Variants in ABCA5 observed in about 807,000 individuals in gnomAD.
The protein encoded by ABCA5 is ATP binding cassette subfamily A member 5, also known as cholesterol transporter ABCA5.
In ABCA5, 163 loss-of-function variants were observed where a neutral mutation model predicts 206.0. The observed-to-expected ratio is 0.79, with a 90% confidence interval of 0.70 to 0.90. ABCA5 has a LOEUF of 0.90. Among genes scored for constraint, ABCA5 ranks in the 40% least tolerant of loss-of-function variants. The probability of loss-of-function intolerance (pLI) is 0.00; values close to 1 mark genes in which losing one functional copy is unlikely to be tolerated. For missense variants in ABCA5, 1,859 were observed against 1,912.9 expected, an observed-to-expected ratio of 0.97 and a Z score of 0.53; for synonymous variants, 609 against 613.8, an observed-to-expected ratio of 0.99 and a Z score of 0.11.
chr17:69,260,393 CG>C lies in ABCA5; in HGVS notation c.3583del (p.Arg1195GlufsTer15). 1 of 1,605,766 alleles carries C rather than the reference CG, an allele frequency of 6.2e-7. No individual in the cohort carries two copies. Among genetic ancestry groups the C allele is most frequent in the Middle Eastern group, 1.7e-4 (1 of 6,032 alleles). ...TGGATTATAGGTGTCCACATTTTTT[CG>C]TACATTCTTCCAAGAAATCTAAGAC... is the stretch of plus-strand genomic sequence containing the variant. ...SFIKISWKNVRKNVDTYNPWD... is the reference protein window; with the variant it reads ...SFIKISWKNVXKNVDTYNPWD... On this transcript the variant is annotated frameshift_variant, in exon 27 of 39. Coordinates refer to ENST00000392676, the MANE Select transcript of ABCA5 (RefSeq NM_172232.4). LOFTEE classifies it high-confidence loss of function.
chr17:69,244,626 T>C lies in ABCA5; in HGVS notation c.*2911A>G, dbSNP rs550196910. 49 of 151,778 alleles carry C rather than the reference T, an allele frequency of 3.2e-4. No individual in the cohort carries two copies. Among genetic ancestry groups the C allele is most frequent in the Non-Finnish European group, 5.5e-4 (37 of 67,814 alleles). The allele number at this position is 151,778 out of a possible 1,614,324, so 9.4% of individuals were successfully genotyped here. On this transcript the variant is annotated 3_prime_UTR_variant, in exon 39 of 39. Coordinates refer to ENST00000392676, the MANE Select transcript of ABCA5 (RefSeq NM_172232.4). ...CAGGAAAGAAAATAAAAAATCAATG[T>C]TAGCAAATTAAAAATACATTAAGGA...
rs144095768 is a variant in ABCA5, at chr17:69,253,656, A to C, written c.4332T>G (p.Ala1444=). 56 of 1,613,452 alleles carry C rather than the reference A, an allele frequency of 3.5e-5. No individual in the cohort carries two copies. In the African/African-American group the frequency reaches 6.0e-4, roughly 17 times the overall value. Residue 1444 remains alanine, a synonymous_variant, in exon 34 of 39, where the codon GCT becomes GCG. Coordinates refer to ENST00000392676, the MANE Select transcript of ABCA5 (RefSeq NM_172232.4). ...PAGIKRKLCF[A]LSMLGNPQIT... is the part of the protein sequence containing the mutation. ...TCTGAGGATTCCCTAGCATACTTAG[A>C]GCAAAACACAACTACATGGAAAGAA...
chr17:69,289,292 T>C lies in ABCA5; in HGVS notation c.1787A>G (p.Gln596Arg), dbSNP rs752026222. The stretch of plus-strand genomic sequence containing the variant: ...CATGTCTAAATCTAGTAAAACCTTC[T>C]GCACCTGTAAAAGTAAAGCATGAAC... ...IPANNIIQEV[Q>R]KVLLDLDMQT... The change falls in exon 14 of 39, where the codon CAG becomes CGG. Residue 596 changes from glutamine to arginine, a missense_variant. Coordinates refer to ENST00000392676, the MANE Select transcript of ABCA5 (RefSeq NM_172232.4). The C allele has an allele frequency of 1.7e-5, 26 of 1,569,114 alleles. No individual in the cohort carries two copies. Among genetic ancestry groups the C allele is most frequent in the Non-Finnish European group, 1.9e-5 (22 of 1,162,590 alleles).
rs1275290712 is a variant in ABCA5, at chr17:69,294,599, T to A, written c.1495+56A>T. 5 of 1,388,542 alleles carry A rather than the reference T, an allele frequency of 3.6e-6. No individual in the cohort carries two copies. The Admixed American group carries it at 1.0e-4, about 28-fold the overall frequency. 86.0% of individuals were successfully genotyped at this position (1,388,542 alleles called of 1,614,324 possible). A position where few individuals can be genotyped will look rare whatever the true frequency, so the allele number is the denominator to read the frequency against. The stretch of plus-strand genomic sequence containing the variant: ...TAAATTTCCCACAAGCTATGCAAAT[T>A]ATTTTTCTAGTTGTACTTTAAATAC... On this transcript the variant is annotated intron_variant, in intron 11 of 38. Coordinates refer to ENST00000392676, the MANE Select transcript of ABCA5 (RefSeq NM_172232.4).
At chr17:69,302,467 A>C (rs933873370) in intron 8 of ABCA5, among the ~76,000 whole-genome samples, 5 of 152,226 alleles carry the variant, frequency 3.3e-5, no homozygotes, top group Middle Eastern at 3.2e-3. Flanking sequence ...TTCTGCAGTG[A>C]AATAAATCAC....
chr17:69,254,178 AAAG>A (rs1307327771), intron 32 of ABCA5, 134 bp downstream of exon 32: 15 of 716,922 alleles, frequency 2.1e-5, no homozygotes, highest in East Asian at 1.7e-4. Flanking sequence ...CATATATCAT[AAAG>A]AATATATGAA....
rs2075133306 is a variant in ABCA5, at chr17:69,260,357, A to G, written c.3620T>C (p.Leu1207Pro). The G allele has an allele frequency of 6.2e-7, 1 of 1,606,914 alleles. No individual in the cohort carries two copies. Among genetic ancestry groups the G allele is most frequent in the African/African-American group, 1.3e-5 (1 of 74,564 alleles). Residue 1207 changes from leucine (L) to proline (P), a missense_variant, in exon 27 of 39, where the codon CTT becomes CCT. Physicochemically the swap from Leu to Pro is moderately conservative, Grantham distance 98. Coordinates refer to ENST00000392676, the MANE Select transcript of ABCA5 (RefSeq NM_172232.4). ...NVDTYNPWDRLSVAVISPYLQ... is the reference protein window; with the variant it reads ...NVDTYNPWDRPSVAVISPYLQ... ...TCTTACCGATATAACAGCTACTGAAAGCCTATCCCATGGATTATAGGTGTC... is the reference window on the plus strand; with the variant it reads ...TCTTACCGATATAACAGCTACTGAAGGCCTATCCCATGGATTATAGGTGTC...
At position 69,244,487 on chromosome 17, in the gene ABCA5, T is replaced by A. The variant is rs968854255; in HGVS notation, c.*3050A>T. 6.6e-6 allele frequency: 1 copy of A among 151,804 alleles called. No individual in the cohort carries two copies. Among genetic ancestry groups the A allele is most frequent in the Non-Finnish European group, 1.5e-5 (1 of 67,850 alleles). The allele number at this position is 151,804 out of a possible 1,614,324, so 9.4% of individuals were successfully genotyped here. ...TTTTCTTAAAGAGCAGCATTGAGAA[T>A]TGCTTACATATATTATAAATAAAAA... On this transcript the variant is annotated 3_prime_UTR_variant, in exon 39 of 39. Transcript: ENST00000392676.
At chr17:69,305,398 C>T (rs925350133) in intron 6 of ABCA5, among the ~76,000 whole-genome samples, 7 of 152,102 alleles carry the variant, frequency 4.6e-5, no homozygotes, top group South Asian at 4.1e-4. Flanking sequence ...TCCAAGTTAG[C>T]TCAGGATTTA....
chr17:69,286,260 A>C lies in ABCA5; in HGVS notation c.2093T>G (p.Met698Arg). Reference sequence around the variant, plus strand: ...GATCCCCCATTTACTTTTGAGGAACATTGAAGAACCAACACATTTCAGCAT... The same window carrying C: ...GATCCCCCATTTACTTTTGAGGAACCTTGAAGAACCAACACATTTCAGCAT... ...QGMLKCVGSSMFLKSKWGIGY... is the reference protein window; with the variant it reads ...QGMLKCVGSSRFLKSKWGIGY... Residue 698 changes from methionine to arginine, a missense_variant, in exon 16 of 39, where the codon ATG becomes AGG. Coordinates refer to ENST00000392676, the MANE Select transcript of ABCA5 (RefSeq NM_172232.4). The C allele has an allele frequency of 6.3e-7, 1 of 1,592,782 alleles. No homozygotes were observed. Among genetic ancestry groups the C allele is most frequent in the Non-Finnish European group, 8.5e-7 (1 of 1,175,018 alleles).
At chr17:69,296,276 T>TTACAATGAA (rs1377505791) in intron 10 of ABCA5, among the ~76,000 whole-genome samples, 1 of 152,196 alleles carries the variant, frequency 6.6e-6, no homozygotes, top group Non-Finnish European at 1.5e-5. Context: ...GGCCAATGAA[T>TTACAATGAA]TACATCTTAA....
At chr17:69,247,706 A>G in intron 38 of ABCA5, 62 bp from the exon 39 acceptor site, 1 of 915,222 alleles carries the variant, frequency 1.1e-6, no homozygotes. Context: ...AAGAACTTTT[A>G]ACTAAATCAG....
rs940237818 is a variant in ABCA5, at chr17:69,326,654, T to C, written c.-16+398A>G. ...TTCAGACGGAAATTTACATCAATAT[T>C]TGTTTTCCTTCTTTCCCTGAGGTTG... On this transcript the variant is annotated intron_variant, in intron 1 of 38. Coordinates refer to ENST00000392676, the MANE Select transcript of ABCA5 (RefSeq NM_172232.4). This position sits in a 1 kb window ranked among gnomAD's most constrained non-coding sequence, Gnocchi z 4.8. Among the ~76,000 whole-genome samples the C allele has an allele frequency of 6.6e-6, 1 of 152,162 alleles. No individual in the cohort carries two copies. The highest frequency in any genetic ancestry group is 2.4e-5 in the African/African-American group (1 of 41,450).
At chr17:69,281,968 C>T (rs2075398409) in intron 18 of ABCA5, among the ~76,000 whole-genome samples, 2 of 152,122 alleles carry the variant, frequency 1.3e-5, no homozygotes, top group East Asian at 1.9e-4. Context: ...CTTTGCTCTC[C>T]TCACCTGCCA....
rs563994135 is a variant in ABCA5 at position 69,256,456 on chromosome 17, CT to C, written c.3732-174del. On this transcript the variant is annotated intron_variant, in intron 28 of 38. Transcript: ENST00000392676. ...TTTCTTTTTTTTTCTTTCTTTCTTT[CT>C]TTTTTTTTTTTTTTAAGACAGGGTC... Among the ~76,000 whole-genome samples, 1,023 of 137,636 alleles carry C rather than the reference CT, an allele frequency of 7.4e-3. 4 individuals are homozygous for C. The highest frequency in any genetic ancestry group is 0.011 in the African/African-American group (413 of 37,404). 90.3% of individuals were successfully genotyped at this position (137,636 alleles called of 152,430 possible). A position where few individuals can be genotyped will look rare whatever the true frequency, so the allele number is the denominator to read the frequency against.
rs2075569007 is a variant in ABCA5, at chr17:69,294,848, A to G, written c.1437-135T>C. The G allele has an allele frequency of 9.0e-6, 5 of 555,030 alleles. No homozygotes were observed. In the East Asian group the frequency reaches 1.6e-4, roughly 18 times the overall value. 34.4% of individuals were successfully genotyped at this position (555,030 alleles called of 1,614,324 possible). A position where few individuals can be genotyped will look rare whatever the true frequency, so the allele number is the denominator to read the frequency against. ...AATAATAATAAAGTACTTTCCTACT[A>G]AAACAATGAACCAAATAATGTTGAT... On this transcript the variant is annotated intron_variant, in intron 10 of 38. Transcript: ENST00000392676.
chr17:69,297,643 G>A (rs1478188877), intron 9 of ABCA5, among the ~76,000 whole-genome samples: 1 of 152,174 alleles, frequency 6.6e-6, no homozygotes, highest in East Asian at 1.9e-4. Context: ...CAGAATTGCT[G>A]AGTGGGAGGT....
At chr17:69,308,404 A>C in intron 4 of ABCA5, 36 bp from the exon 5 acceptor site, 1 of 1,415,054 alleles carries the variant, frequency 7.1e-7, no homozygotes, top group Non-Finnish European at 1.0e-6. Flanking sequence ...AAGATTCTGT[A>C]CAACATGCAA....
At chr17:69,307,642 T>C (rs1012395958) in intron 5 of ABCA5, among the ~76,000 whole-genome samples, 3 of 152,108 alleles carry the variant, frequency 2.0e-5, no homozygotes, top group Admixed American at 6.5e-5. Context: ...GTCCCTAATA[T>C]GTTTATACTG....
Sources: gnomAD v4.1 joint callset for allele counts (sites outside exome capture counted in the v4.1 genomes callset) on GRCh38, gnomAD v4.1.1 for gene constraint, Gnocchi (gnomAD v3.1) non-coding constraint, MANE v1.5 for transcripts, NCBI Gene and HGNC (gene_info 2026-07-23, HGNC 2026-07-21) for gene names.